The following SEMA6B variants were observed in gnomAD, a reference collection of about 807,000 sequenced individuals.
SEMA6B encodes semaphorin-6B.
A neutral mutation model predicts 78.6 loss-of-function variants in SEMA6B; 47 were observed. That is an observed-to-expected ratio of 0.60 (90% confidence interval 0.47 to 0.76). The LOEUF (loss-of-function observed/expected upper bound fraction) is 0.76. Ranked by LOEUF, SEMA6B falls within the 30% of genes least tolerant of loss-of-function variation. The pLI is 0.00. For synonymous variants in SEMA6B, 632 were observed against 592.2 expected, an observed-to-expected ratio of 1.07 and a Z score of -0.98; for missense variants, 1,213 against 1,269.9, an observed-to-expected ratio of 0.96 and a Z score of 0.68.
chr19:4,544,316 A>T lies in SEMA6B; in HGVS notation c.1952T>A (p.Val651Asp). The change falls in exon 17 of 17, where the codon GTC becomes GAC. Residue 651 changes from valine (V) to aspartate (D), a missense_variant. Physicochemically the swap from Val to Asp is radical, Grantham distance 152. Transcript: ENST00000586582. This position sits in a 1 kb window ranked among gnomAD's most constrained non-coding sequence, Gnocchi z 5.1. ...AHGAGEAVLS[V>D]SRLGERRAQG... ...CGCCCTGCGCTCGCCCAGGCGGCTG[A>T]CGCTCAGCACCGCCTCGCCCGCCCC... The T allele has an allele frequency of 2.0e-6, 3 of 1,489,908 alleles. No individual in the cohort carries two copies. Among genetic ancestry groups the T allele is most frequent in the Non-Finnish European group, 1.8e-6 (2 of 1,125,134 alleles). 92.3% of individuals were successfully genotyped at this position (1,489,908 alleles called of 1,614,324 possible). A position where few individuals can be genotyped will look rare whatever the true frequency, so the allele number is the denominator to read the frequency against.
At position 4,552,661 on chromosome 19, in the gene SEMA6B, C is replaced by T. The variant is rs45579944; in HGVS notation, c.772-22G>A. 107,894 of 1,576,606 alleles carry T rather than the reference C, an allele frequency of 0.068. 5,995 individuals are homozygous for T. Among genetic ancestry groups the T allele is most frequent in the South Asian group, 0.21 (17,733 of 85,334 alleles). ...CCACCTGGGCGTGACAGTGGACGGA[C>T]GGGGGCCTGAGCTCTGTGTCCCAGG... On this transcript the variant is annotated intron_variant, in intron 9 of 16. Coordinates refer to ENST00000586582, the MANE Select transcript of SEMA6B (RefSeq NM_032108.4). The surrounding 1 kb of genome is among the most constrained non-coding windows in gnomAD (Gnocchi z 7.4).
rs1372804959 is a variant in SEMA6B, at chr19:4,552,148, A to C, written c.989+274T>G. 6.6e-6 allele frequency among the ~76,000 whole-genome samples: 1 copy of C among 152,070 alleles called. No homozygotes were observed. The highest frequency in any genetic ancestry group is 1.5e-5 in the Non-Finnish European group (1 of 68,002). The stretch of plus-strand genomic sequence containing the variant: ...TTCCCTCTTCCTCCATCTCACACCC[A>C]AAGTCCAGCTCCAATGTCCCCTCCT... On this transcript the variant is annotated intron_variant, in intron 10 of 16. Coordinates refer to ENST00000586582, the MANE Select transcript of SEMA6B (RefSeq NM_032108.4). The surrounding 1 kb of genome is among the most constrained non-coding windows in gnomAD (Gnocchi z 7.4).
intron 3 of SEMA6B, 90 bp from the exon 4 acceptor site, chr19:4,557,313 G>C: frequency 1.2e-6 from 1 of 838,166 alleles, no homozygotes; most frequent in Non-Finnish European, 1.9e-6. Flanking sequence ...GTGCACACGG[G>C]GGCATGCAGG....
At chr19:4,545,978 A>G in intron 16 of SEMA6B, 2 of 357,884 alleles carry the variant, frequency 5.6e-6, no homozygotes, top group Non-Finnish European at 1.0e-5. Context: ...TCACCGTGTT[A>G]GCCAGGATGG....
In SEMA6B at chr19:4,542,769, G is replaced by A. The variant is rs1214847285; in HGVS notation, c.*832C>T. ...ACCACCCTGGGGCCGTATTTACAGA[G>A]GGGCCCCACCCACCTTCGCCGCCCC... is the stretch of plus-strand genomic sequence containing the variant. On this transcript the variant is annotated 3_prime_UTR_variant, in exon 17 of 17. Coordinates refer to ENST00000586582, the MANE Select transcript of SEMA6B (RefSeq NM_032108.4). The A allele has an allele frequency of 8.6e-6, 6 of 700,544 alleles. No homozygotes were observed. Among genetic ancestry groups the A allele is most frequent in the African/African-American group, 5.2e-5 (3 of 57,186 alleles). 43.4% of individuals were successfully genotyped at this position (700,544 alleles called of 1,614,324 possible).
At position 4,557,204 on chromosome 19, in the gene SEMA6B, C is replaced by G. The variant is rs1977497267; in HGVS notation, c.265G>C (p.Glu89Gln). Residue 89 changes from glutamate (E) to glutamine (Q), a missense_variant, in exon 4 of 17, where the codon GAG becomes CAG. By Grantham distance (29) the Glu-to-Gln change is conservative. Coordinates refer to ENST00000586582, the MANE Select transcript of SEMA6B (RefSeq NM_032108.4). ...IGDRDNLYRV[E>Q]LEPPTSTELR... Reference sequence around the variant, plus strand: ...TCCGTGGACGTGGGGGGCTCCAGCTCTACGCGGTAGAGGTTGTCCCTGGGG... The same window carrying G: ...TCCGTGGACGTGGGGGGCTCCAGCTGTACGCGGTAGAGGTTGTCCCTGGGG... The G allele has an allele frequency of 1.3e-6, 2 of 1,598,592 alleles. No homozygotes were observed. Among genetic ancestry groups the G allele is most frequent in the South Asian group, 1.1e-5 (1 of 88,208 alleles).
In SEMA6B at chr19:4,555,390, TA is replaced by T; in HGVS notation, c.562+83del. 7.8e-7 allele frequency: 1 copy of T among 1,281,208 alleles called. No homozygotes were observed. Among genetic ancestry groups the T allele is most frequent in the Non-Finnish European group, 1.1e-6 (1 of 912,294 alleles). 79.4% of individuals were successfully genotyped at this position (1,281,208 alleles called of 1,614,324 possible). ...GACAAGTGGTCGTCCAGCTGCCTTC[TA>T]AACAACCCAGACGCTGGAGTAGAAA... On this transcript the variant is annotated intron_variant, in intron 7 of 16. Coordinates refer to ENST00000586582, the MANE Select transcript of SEMA6B (RefSeq NM_032108.4). This position sits in a 1 kb window ranked among gnomAD's most constrained non-coding sequence, Gnocchi z 6.1.
chr19:4,546,615 T>C (rs943244764), intron 14 of SEMA6B, 146 bp from the exon 15 acceptor site: 1 of 441,308 alleles, frequency 2.3e-6, no homozygotes, highest in African/African-American at 2.0e-5. Context: ...AATTTCGCTC[T>C]TGTTGTTTAT....
intron 4 of SEMA6B, 68 bp downstream of exon 4, chr19:4,557,095 A>G: frequency 1.3e-6 from 2 of 1,592,108 alleles, no homozygotes; most frequent in South Asian, 2.2e-5. Context: ...GAATCCACCC[A>G]GCTCCCCGGC....
At chr19:4,546,167 C>T (rs772756647) in intron 16 of SEMA6B, 49 bp downstream of exon 16, 15 of 1,540,822 alleles carry the variant, frequency 9.7e-6, no homozygotes, top group Non-Finnish European at 1.3e-5. Flanking sequence ...CTCCCCTCCC[C>T]CATGGTAGTG....
intron 12 of SEMA6B, among the ~76,000 whole-genome samples, chr19:4,549,198 C>G (rs1216732961): frequency 1.3e-5 from 2 of 151,828 alleles, no homozygotes; most frequent in African/African-American, 4.8e-5. Flanking sequence ...TCTTCCCTAT[C>G]TCTGTCTCTC....
Position 4,555,923 on chromosome 19 carries a change from A to C in SEMA6B, c.471+65T>G, listed in dbSNP as rs1345632641. ...CACGGCCTGGGGAAAAGCCATGGCC[A>C]GCGGAGGTCGGGCGAGCAGAGGCCT... On this transcript the variant is annotated intron_variant, in intron 6 of 16. Transcript: ENST00000586582. This position sits in a 1 kb window ranked among gnomAD's most constrained non-coding sequence, Gnocchi z 6.1. 4 of 1,278,880 alleles carry C rather than the reference A, an allele frequency of 3.1e-6. No individual in the cohort carries two copies. In the African/African-American group the frequency reaches 5.8e-5, roughly 19 times the overall value. The allele number at this position is 1,278,880 out of a possible 1,614,324, so 79.2% of individuals were successfully genotyped here.
rs1005751452 is a variant in SEMA6B, at chr19:4,550,957, G to C, written c.990-27C>G. On this transcript the variant is annotated intron_variant, in intron 10 of 16. Transcript: ENST00000586582. The surrounding 1 kb of genome is among the most constrained non-coding windows in gnomAD (Gnocchi z 6.6). ...TGAGGGGTTGGGATGAAAGAGTTTGGTGAGCCCGGTGGGAGGCCCCATCTC... is the reference window on the plus strand; with the variant it reads ...TGAGGGGTTGGGATGAAAGAGTTTGCTGAGCCCGGTGGGAGGCCCCATCTC... The C allele has an allele frequency of 1.9e-6, 3 of 1,612,408 alleles. No individual in the cohort carries two copies. The highest frequency in any genetic ancestry group is 2.5e-6 in the Non-Finnish European group (3 of 1,179,352).
rs1356373457 is a variant in SEMA6B at position 4,550,432 on chromosome 19, T to C, written c.1122-160A>G. Among the ~76,000 whole-genome samples the C allele has an allele frequency of 3.3e-5, 5 of 152,124 alleles. No homozygotes were observed. Among genetic ancestry groups the C allele is most frequent in the Non-Finnish European group, 7.4e-5 (5 of 68,014 alleles). ...ATCTGTCGCCCAGGCTGGAGTGCTT[T>C]GGCTCACTGCAACCTCCACCTCCTG... On this transcript the variant is annotated intron_variant, in intron 11 of 16. Coordinates refer to ENST00000586582, the MANE Select transcript of SEMA6B (RefSeq NM_032108.4). The surrounding 1 kb of genome is among the most constrained non-coding windows in gnomAD (Gnocchi z 6.6).
chr19:4,551,889 C>G (rs1353198296), intron 10 of SEMA6B, among the ~76,000 whole-genome samples: 1 of 151,936 alleles, frequency 6.6e-6, no homozygotes, highest in Non-Finnish European at 1.5e-5. Flanking sequence ...TGATCTCATC[C>G]CTCTTGCTCT....
At position 4,558,001 on chromosome 19, in the gene SEMA6B, G is replaced by T; in HGVS notation, c.245+25C>A. ...CTCGCTCATTCTGCTCGTCACACAG[G>T]CCTCCTTGCTGTCCCCAGCAATACC... On this transcript the variant is annotated intron_variant, in intron 3 of 16. Coordinates refer to ENST00000586582, the MANE Select transcript of SEMA6B (RefSeq NM_032108.4). This position sits in a 1 kb window ranked among gnomAD's most constrained non-coding sequence, Gnocchi z 5.1. 2 of 1,354,186 alleles carry T rather than the reference G, an allele frequency of 1.5e-6. No homozygotes were observed. The highest frequency in any genetic ancestry group is 1.9e-5 in the South Asian group (1 of 53,730). The allele number at this position is 1,354,186 out of a possible 1,614,324, so 83.9% of individuals were successfully genotyped here.
rs546423172 is a variant in SEMA6B, at chr19:4,550,269, G to A, written c.1125C>T (p.Pro375=). The change falls in exon 12 of 17, where the codon CCC becomes CCT. Residue 375 remains proline, a synonymous_variant. Coordinates refer to ENST00000586582, the MANE Select transcript of SEMA6B (RefSeq NM_032108.4). The surrounding 1 kb of genome is among the most constrained non-coding windows in gnomAD (Gnocchi z 6.6). ...GCATCCCGGGGGCTGCGCAGCACCC[G>A]GGCCTGGGGGTGACAAGGGTGTGGT... The part of the protein sequence containing the change: ...VPEDQVPRPR[P]GCCAAPGMQY... 49 of 1,613,574 alleles carry A rather than the reference G, an allele frequency of 3.0e-5. No homozygotes were observed. The highest frequency in any genetic ancestry group is 1.2e-4 in the Admixed American group (7 of 60,012).
Position 4,546,247 on chromosome 19 carries a change from C to A in SEMA6B, c.1707G>T (p.Gly569=), listed in dbSNP as rs147457538. ...AGTCCCCTAAGCCTGAGGTGCTGGC[C>A]CCGGACACGTCCTGCTCAAAGGCGG... is the stretch of plus-strand genomic sequence containing the variant. ...TRAAFEQDVS[G]ASTSGLGDCT... Residue 569 remains glycine, a synonymous_variant, in exon 16 of 17, where the codon GGG becomes GGT. Transcript: ENST00000586582. 1 of 1,613,018 alleles carries A rather than the reference C, an allele frequency of 6.2e-7. No individual in the cohort carries two copies. Among genetic ancestry groups the A allele is most frequent in the African/African-American group, 1.3e-5 (1 of 74,912 alleles).
In SEMA6B at chr19:4,554,492, G is replaced by C. The variant is rs1462204893; in HGVS notation, c.683-16C>G. On this transcript the variant is annotated splice_polypyrimidine_tract_variant and intron_variant, in intron 8 of 16. Transcript: ENST00000586582. ...AAGTAAGGCTCTGCAGGACAGGAGG[G>C]GTCAGAACTCAGCCCCTGACATGAC... The C allele has an allele frequency of 6.2e-7, 1 of 1,603,750 alleles. No homozygotes were observed. The highest frequency in any genetic ancestry group is 1.3e-5 in the African/African-American group (1 of 74,818).
Sources: allele counts gnomAD v4.1 joint callset (sites outside exome capture counted in the v4.1 genomes callset), GRCh38; gene constraint gnomAD v4.1.1; non-coding constraint Gnocchi (gnomAD v3.1); transcripts MANE v1.5; gene names NCBI Gene and HGNC (gene_info 2026-07-23, HGNC 2026-07-21).